The following GLI2 variants were observed in gnomAD, a reference collection of about 807,000 sequenced individuals.
GLI2 encodes transcription activator GLI2.
GLI2 carries 22 observed loss-of-function variants against 78.9 expected under a neutral mutation model. The ratio of observed to expected loss-of-function variants is 0.28; its 90% CI spans 0.20 to 0.40. The LOEUF is 0.40. Ranked by LOEUF, GLI2 falls within the 10% of genes least tolerant of loss-of-function variation. The probability of loss-of-function intolerance (pLI) is 1.00; values close to 1 mark genes in which losing one functional copy is unlikely to be tolerated. For synonymous variants in GLI2, 974 were observed against 963.7 expected, an observed-to-expected ratio of 1.01 and a Z score of -0.20; for missense variants, 2,097 against 2,213.2, an observed-to-expected ratio of 0.95 and a Z score of 1.05.
intron 2 of GLI2, among the ~76,000 whole-genome samples, chr2:120,908,836 G>T (rs118146039): frequency 9.8e-5 from 15 of 152,322 alleles, no homozygotes; most frequent in Admixed American, 3.9e-4. Context: ...AGAAAGGAAG[G>T]GGGGAGCCAG....
chr2:120,832,306 C>T lies in GLI2; in HGVS notation c.148+34838C>T, dbSNP rs111226071. 3.1e-3 allele frequency among the ~76,000 whole-genome samples: 465 copies of T among 152,300 alleles called. 2 individuals are homozygous for T. Among genetic ancestry groups the T allele is most frequent in the African/African-American group, 0.011 (444 of 41,562 alleles). ...AGTACCCAGAACCCCATCACCCTAC[C>T]CCACAGACCCAGAATTTTAGAGAGA... On this transcript the variant is annotated intron_variant, in intron 2 of 13. Coordinates refer to ENST00000361492, the MANE Select transcript of GLI2 (RefSeq NM_001374353.1).
intron 5 of GLI2, among the ~76,000 whole-genome samples, chr2:120,960,827 C>T (rs1008201743): frequency 4.6e-5 from 7 of 152,230 alleles, no homozygotes; most frequent in Non-Finnish European, 1.5e-5. Flanking sequence ...ATTTCCCAGG[C>T]TCTGATGAAA....
At chr2:120,909,448 C>A (rs1473099998) in intron 2 of GLI2, among the ~76,000 whole-genome samples, 1 of 152,168 alleles carries the variant, frequency 6.6e-6, no homozygotes, top group Non-Finnish European at 1.5e-5. Context: ...AAAGTGCCAT[C>A]CAGAAGGAAA....
intron 8 of GLI2, among the ~76,000 whole-genome samples, chr2:120,973,245 G>A (rs921433852): frequency 3.3e-5 from 5 of 152,318 alleles, no homozygotes; most frequent in Non-Finnish European, 5.9e-5. Flanking sequence ...CCACGGGGCC[G>A]ACCATCATCG....
At chr2:120,974,530 C>T (rs1455825829) in intron 8 of GLI2, among the ~76,000 whole-genome samples, 1 of 152,186 alleles carries the variant, frequency 6.6e-6, no homozygotes, top group Non-Finnish European at 1.5e-5. Context: ...GGTCAGGGGA[C>T]TCAAGTCCAG....
chr2:120,961,981 T>A (rs1215721276), intron 5 of GLI2, among the ~76,000 whole-genome samples: 2 of 152,112 alleles, frequency 1.3e-5, no homozygotes, highest in African/African-American at 2.4e-5. Context: ...ATGATGCTCT[T>A]TCCTCCTGCC....
Position 120,989,674 on chromosome 2 carries a change from C to T in GLI2, c.3709C>T (p.Leu1237=), listed in dbSNP as rs1446813767. The change falls in exon 14 of 14, where the codon CTG becomes TTG. Residue 1237 remains leucine, a synonymous_variant. Coordinates refer to ENST00000361492, the MANE Select transcript of GLI2 (RefSeq NM_001374353.1). The part of the protein sequence containing the change: ...HACYGQVHPQ[L]SPSTISGALN... ...CTGCTATGGCCAAGTCCACCCCCAG[C>T]TGAGCCCCAGCACCATCAGTGGGGC... 2.5e-6 allele frequency: 4 copies of T among 1,613,394 alleles called. No individual in the cohort carries two copies. In the Admixed American group the frequency reaches 6.7e-5, roughly 27 times the overall value.
At chr2:120,766,034 G>A (rs999746630) in intron 1 of GLI2, among the ~76,000 whole-genome samples, 49 of 152,006 alleles carry the variant, frequency 3.2e-4, no homozygotes, top group Admixed American at 8.5e-4. Flanking sequence ...TCTCGGAGAC[G>A]TCTGGAGCTC....
At chr2:120,919,284 C>A (rs1042732874) in intron 2 of GLI2, among the ~76,000 whole-genome samples, 1 of 152,230 alleles carries the variant, frequency 6.6e-6, no homozygotes, top group African/African-American at 2.4e-5. Flanking sequence ...CCCAAAGTCC[C>A]CCATAGTGGG....
chr2:120,970,667 T>C, intron 7 of GLI2, 61 bp downstream of exon 7: 6 of 1,349,728 alleles, frequency 4.4e-6, no homozygotes, highest in Non-Finnish European at 6.3e-6. Flanking sequence ...TGAGGGTTGT[T>C]CACTGCCAGC....
rs541632897 is a variant in GLI2, at chr2:120,737,748, G to A, written c.-31+1463G>A. ...TGCAGACGAGGCTCTGGGGGATGTA[G>A]GAGAATTTGAAAGTAAACGTTTCCC... On this transcript the variant is annotated intron_variant, in intron 1 of 13. Coordinates refer to ENST00000361492, the MANE Select transcript of GLI2 (RefSeq NM_001374353.1). This position sits in a 1 kb window ranked among gnomAD's most constrained non-coding sequence, Gnocchi z 4.3. 1.3e-5 allele frequency among the ~76,000 whole-genome samples: 2 copies of A among 152,356 alleles called. No individual in the cohort carries two copies. The highest frequency in any genetic ancestry group is 3.9e-4 in the East Asian group (2 of 5,190).
chr2:120,986,357 G>A lies in GLI2; in HGVS notation c.1985G>A (p.Ser662Asn), dbSNP rs1350901508. The A allele has an allele frequency of 6.2e-7, 1 of 1,613,680 alleles. No homozygotes were observed. Among genetic ancestry groups the A allele is most frequent in the Admixed American group, 1.7e-5 (1 of 60,032 alleles). ...SPLGSAPNND[S>N]GVEMPGTGPG... ...CTGGGCAGTGCCCCCAACAATGACA[G>A]TGGCGTGGAGATGCCGGGGACGGGG... is the stretch of plus-strand genomic sequence containing the variant. The change falls in exon 13 of 14, where the codon AGT becomes AAT. Residue 662 changes from serine to asparagine, a missense_variant. Physicochemically the swap from Ser to Asn is conservative, Grantham distance 46 (BLOSUM62 1). Around this residue, in one of 5 missense-constraint regions of GLI2, gnomAD observed 68 missense variants for 104.4 expected, o/e 0.65. Coordinates refer to ENST00000361492, the MANE Select transcript of GLI2 (RefSeq NM_001374353.1).
Position 120,986,487 on chromosome 2 carries a change from C to T in GLI2, c.2115C>T (p.His705=). The part of the protein sequence containing the change: ...PSAGGLQLRK[H]MTTMHRFEQL... ...CTGGTGGCCTCCAGCTGCGCAAACACATGACCACCATGCACCGGTTCGAGC... is the reference window on the plus strand; with the variant it reads ...CTGGTGGCCTCCAGCTGCGCAAACATATGACCACCATGCACCGGTTCGAGC... Residue 705 remains histidine (H), a synonymous_variant, in exon 13 of 14, where the codon CAC becomes CAT. Coordinates refer to ENST00000361492, the MANE Select transcript of GLI2 (RefSeq NM_001374353.1). 1 of 1,614,128 alleles carries T rather than the reference C, an allele frequency of 6.2e-7. No homozygotes were observed. Among genetic ancestry groups the T allele is most frequent in the Non-Finnish European group, 8.5e-7 (1 of 1,180,032 alleles).
chr2:120,814,626 A>G (rs1053962662), intron 2 of GLI2, among the ~76,000 whole-genome samples: 1 of 152,110 alleles, frequency 6.6e-6, no homozygotes, highest in Non-Finnish European at 1.5e-5. Flanking sequence ...CCTGAGCCGC[A>G]CCTTCTGTCA....
In GLI2 at chr2:120,971,910, G is replaced by A. The variant is rs774671517; in HGVS notation, c.1060-31G>A. ...TGGGATATCCCTGCCCTGCCCCTGA[G>A]TAACAGACTGTCCTCTGCACCCTTC... On this transcript the variant is annotated intron_variant, in intron 7 of 13. Transcript: ENST00000361492. 1.1e-5 allele frequency: 17 copies of A among 1,611,984 alleles called. No individual in the cohort carries two copies. In the South Asian group the frequency reaches 1.4e-4, roughly 14 times the overall value.
intron 2 of GLI2, among the ~76,000 whole-genome samples, chr2:120,912,274 GT>G (rs564285080): frequency 0.015 from 2,022 of 136,696 alleles, 19 homozygotes; most frequent in African/African-American, 0.028. Context: ...TTTGCAAGAG[GT>G]TTTTTTTTTT....
intron 2 of GLI2, among the ~76,000 whole-genome samples, chr2:120,806,702 T>A (rs1171433024): frequency 1.3e-5 from 2 of 152,148 alleles, no homozygotes; most frequent in Non-Finnish European, 2.9e-5. Context: ...CCCAGGTGGG[T>A]GCATAGCTGA....
At chr2:120,910,331 A>C (rs567100013) in intron 2 of GLI2, among the ~76,000 whole-genome samples, 19 of 152,200 alleles carry the variant, frequency 1.2e-4, no homozygotes, top group African/African-American at 3.4e-4. Context: ...GATGCATTTT[A>C]ATTTATGCAA....
chr2:120,841,412 C>G (rs1238194966), intron 2 of GLI2, among the ~76,000 whole-genome samples: 1 of 152,198 alleles, frequency 6.6e-6, no homozygotes, highest in Admixed American at 6.5e-5. Context: ...CTGGGGCCAT[C>G]CTGCACGCTG....
Sources: allele counts gnomAD v4.1 joint callset (sites outside exome capture counted in the v4.1 genomes callset), GRCh38; gene constraint gnomAD v4.1.1; regional missense constraint gnomAD v4.1.1; non-coding constraint Gnocchi (gnomAD v3.1); transcripts MANE v1.5; gene names NCBI Gene and HGNC (gene_info 2026-07-23, HGNC 2026-07-21).